GTF2H1: variants seen among roughly 807,000 people sequenced by gnomAD.
The protein encoded by GTF2H1 is BTF2 p62.
A neutral mutation model predicts 71.2 loss-of-function variants in GTF2H1; 16 were observed. That is an observed-to-expected ratio of 0.22 (90% CI 0.15 to 0.34). The LOEUF is 0.34. GTF2H1 is among the 10% of genes least tolerant of loss of function. GTF2H1 has a pLI of 1.00. For synonymous variants in GTF2H1, 215 were observed against 219.0 expected (o/e 0.98, Z 0.16); for missense variants, 498 against 648.2 (o/e 0.77, Z 2.52).
chr11:18,365,947 G>A lies in GTF2H1; in HGVS notation c.*78G>A. 1.1e-6 allele frequency: 1 copy of A among 932,744 alleles called. No individual in the cohort carries two copies. 57.8% of individuals were successfully genotyped at this position (932,744 alleles called of 1,614,324 possible). On this transcript the variant is annotated 3_prime_UTR_variant, in exon 15 of 15. Coordinates refer to ENST00000265963, the MANE Select transcript of GTF2H1 (RefSeq NM_005316.4). Reference sequence around the variant, plus strand: ...GCAACTCTGGAAACCTGGCCTGACAGACAAGCAGATGACCTCACAGGAGTG... The same window carrying A: ...GCAACTCTGGAAACCTGGCCTGACAAACAAGCAGATGACCTCACAGGAGTG...
intron 11 of GTF2H1, among the ~76,000 whole-genome samples, chr11:18,355,743 G>C (rs1364792952): frequency 6.6e-6 from 1 of 151,614 alleles, no homozygotes; most frequent in South Asian, 2.1e-4. Context: ...TCGAACTCCT[G>C]AGCTCAAGCG....
intron 1 of GTF2H1, among the ~76,000 whole-genome samples, chr11:18,329,550 C>T (rs548906375): frequency 6.6e-6 from 1 of 152,348 alleles, no homozygotes; most frequent in East Asian, 1.9e-4. Flanking sequence ...ACAAATCACT[C>T]CCCTATTCAA....
At chr11:18,351,285 AT>A (rs56307193) in intron 9 of GTF2H1, among the ~76,000 whole-genome samples, 197 of 140,410 alleles carry the variant, frequency 1.4e-3, no homozygotes, top group Middle Eastern at 3.7e-3. Flanking sequence ...AAGAGGCGGA[AT>A]TTTTTTTTTT....
intron 1 of GTF2H1, among the ~76,000 whole-genome samples, chr11:18,325,746 A>G (rs750761786): frequency 1.3e-5 from 2 of 152,224 alleles, no homozygotes; most frequent in African/African-American, 2.4e-5. Context: ...GCTCAGAGCA[A>G]GGTATATGAA....
intron 7 of GTF2H1, among the ~76,000 whole-genome samples, chr11:18,343,473 T>G (rs1332106578): frequency 6.6e-6 from 1 of 152,196 alleles, no homozygotes; most frequent in Non-Finnish European, 1.5e-5. Context: ...CCTTCTTTCC[T>G]TCTCAATCTT....
intron 9 of GTF2H1, among the ~76,000 whole-genome samples, chr11:18,349,890 T>A (rs1381144107): frequency 6.6e-6 from 1 of 152,198 alleles, no homozygotes; most frequent in East Asian, 1.9e-4. Context: ...TAGCCTGTAG[T>A]TGGGCAGCAT....
At chr11:18,336,083 TTTTG>T (rs139869794) in intron 3 of GTF2H1, 137 bp downstream of exon 3, 12,831 of 561,300 alleles carry the variant, frequency 0.023, 644 homozygotes, top group African/African-American at 0.13. Context: ...TTTGTTTTTG[TTTTG>T]TTTGTTTGTT....
In GTF2H1 at chr11:18,347,908, G is replaced by T. The variant is rs957403937; in HGVS notation, c.1042G>T (p.Ala348Ser). The change falls in exon 9 of 15, where the codon GCA (alanine) becomes TCA (serine). Residue 348 changes from alanine (A) to serine (S), a missense_variant. By Grantham distance (99) the Ala-to-Ser change is moderately conservative (BLOSUM62 1). Around this residue, in one of 3 missense-constraint regions of GTF2H1, gnomAD observed 266 missense variants for 301.6 expected, o/e 0.88. Coordinates refer to ENST00000265963, the MANE Select transcript of GTF2H1 (RefSeq NM_005316.4). The part of the protein sequence containing the change: ...NSGDADCFQP[A>S]VKRAKLQESI... ...CGGAGATGCAGACTGCTTTCAGCCA[G>T]CAGTCAAAAGGGTATGGGCAAAAAA... 6.2e-7 allele frequency: 1 copy of T among 1,612,422 alleles called. No individual in the cohort carries two copies. Among genetic ancestry groups the T allele is most frequent in the Non-Finnish European group, 8.5e-7 (1 of 1,178,444 alleles).
chr11:18,346,572 A>G (rs1865298040), intron 7 of GTF2H1, among the ~76,000 whole-genome samples: 1 of 152,102 alleles, frequency 6.6e-6, no homozygotes, highest in Admixed American at 6.6e-5. Flanking sequence ...CACTCAATAC[A>G]TGTTTTAAAA....
At chr11:18,336,753 G>A (rs746392424) in intron 3 of GTF2H1, among the ~76,000 whole-genome samples, 82 of 134,286 alleles carry the variant, frequency 6.1e-4, no homozygotes, top group Admixed American at 2.1e-3. Flanking sequence ...GTAAAATAAT[G>A]AGAATTTTTT....
At chr11:18,355,343 C>T (rs867020590) in intron 11 of GTF2H1, among the ~76,000 whole-genome samples, 6 of 151,380 alleles carry the variant, frequency 4.0e-5, no homozygotes, top group African/African-American at 1.5e-4. Context: ...CGGGGTTTCA[C>T]CGTGTTAGCC....
chr11:18,358,423 CAA>C (rs1056449802), intron 12 of GTF2H1, 100 bp from the exon 13 acceptor site: 16 of 655,864 alleles, frequency 2.4e-5, no homozygotes, highest in African/African-American at 1.7e-4. Context: ...TTGGCATTGA[CAA>C]AGAGTACACA....
chr11:18,346,995 C>T (rs1264606205), intron 7 of GTF2H1: 1 of 151,226 alleles, frequency 6.6e-6, no homozygotes, highest in Non-Finnish European at 1.5e-5. Flanking sequence ...CCACCTTGGC[C>T]TCCCAGAGTG....
intron 1 of GTF2H1, among the ~76,000 whole-genome samples, chr11:18,325,750 A>T (rs965477562): frequency 6.6e-6 from 1 of 152,250 alleles, no homozygotes; most frequent in South Asian, 2.1e-4. Context: ...AGAGCAAGGT[A>T]TATGAATTTA....
chr11:18,335,695 G>C, intron 2 of GTF2H1, 59 bp from the exon 3 acceptor site: 3 of 1,237,452 alleles, frequency 2.4e-6, no homozygotes, highest in Non-Finnish European at 3.5e-6. Context: ...GTAACTTACT[G>C]TATGGTTATT....
At chr11:18,344,496 G>C (rs1397845126) in intron 7 of GTF2H1, among the ~76,000 whole-genome samples, 1 of 151,670 alleles carries the variant, frequency 6.6e-6, no homozygotes, top group Admixed American at 6.6e-5. Context: ...GCACATGCCT[G>C]TAATTCCAGC....
In GTF2H1 at chr11:18,333,229, G is replaced by C. The variant is rs1016830574; in HGVS notation, c.154+1G>C. 6.2e-7 allele frequency: 1 copy of C among 1,605,178 alleles called. No individual in the cohort carries two copies. The highest frequency in any genetic ancestry group is 1.3e-5 in the African/African-American group (1 of 74,818). ...AGCCATATGTATGCAGATATTAAATGTAAGTCAGCTATACTAAGTTCTGAT... is the reference window on the plus strand; with the variant it reads ...AGCCATATGTATGCAGATATTAAATCTAAGTCAGCTATACTAAGTTCTGAT... On this transcript the variant is annotated splice_donor_variant, in intron 2 of 14. Transcript: ENST00000265963. LOFTEE classifies it high-confidence loss of function.
At chr11:18,360,801 A>G (rs1865677822) in intron 14 of GTF2H1, 94 bp downstream of exon 14, 2 of 686,332 alleles carry the variant, frequency 2.9e-6, no homozygotes, top group Non-Finnish European at 5.0e-6. Context: ...GTAGATACTT[A>G]ATTTTCTTTT....
intron 1 of GTF2H1, among the ~76,000 whole-genome samples, chr11:18,328,935 C>T (rs910579783): frequency 1.3e-5 from 2 of 152,034 alleles, no homozygotes; most frequent in African/African-American, 4.8e-5. Flanking sequence ...AGGGAAAACT[C>T]TCAAAGTCTT....
Sources: gnomAD v4.1 joint callset for allele counts (sites outside exome capture counted in the v4.1 genomes callset) on GRCh38, gnomAD v4.1.1 for gene constraint, gnomAD v4.1.1 regional missense constraint, MANE v1.5 for transcripts, NCBI Gene and HGNC (gene_info 2026-07-23, HGNC 2026-07-21) for gene names.